The following SV2C variants were observed in gnomAD, a reference collection of about 807,000 sequenced individuals.
SV2C encodes the protein synaptic vesicle glycoprotein 2C.
SV2C carries 49 observed loss-of-function variants against 79.7 expected under a neutral mutation model. The ratio of observed to expected loss-of-function variants is 0.61; its 90% CI spans 0.49 to 0.78. The LOEUF (loss-of-function observed/expected upper bound fraction) is 0.78, where lower values mean the gene tolerates loss of function less well. Among genes scored for constraint, SV2C ranks in the 30% least tolerant of loss-of-function variants. SV2C has a pLI of 0.00. For missense variants in SV2C, 833 were observed against 912.9 expected (o/e 0.91, Z 1.13); for synonymous variants, 334 against 333.2 (o/e 1.00, Z -0.03).
intron 4 of SV2C, among the ~76,000 whole-genome samples, chr5:76,243,012 T>TAAAAAAAAAAAAAAAAAAAAAAAAAAAAA (rs559052290): frequency 4.4e-4 from 22 of 49,926 alleles, no homozygotes; most frequent in Non-Finnish European, 5.7e-4. Flanking sequence ...AGACCCCATC[T>TAAAAAAAAAAAAAAAAAAAAAAAAAAAAA]AAAAAAAAAA....
chr5:75,913,334 C>T, the SV2C span, among the ~76,000 whole-genome samples: 2 of 152,268 alleles, frequency 1.3e-5, no homozygotes, highest in East Asian at 1.9e-4. Flanking sequence ...CTGTATCATG[C>T]TTCTGAATAT....
At chr5:76,337,591 T>G (rs1267380405), downstream of SV2C, among the ~76,000 whole-genome samples, 1 of 152,202 alleles carries the variant, frequency 6.6e-6, no homozygotes, top group African/African-American at 2.4e-5. Flanking sequence ...GAATGGAATG[T>G]GCCTATGGTC....
At chr5:76,288,438 G>A (rs1747425131) in intron 6 of SV2C, among the ~76,000 whole-genome samples, 1 of 152,096 alleles carries the variant, frequency 6.6e-6, no homozygotes, top group South Asian at 2.1e-4. Context: ...AAGCTTTTGA[G>A]GACTCTCTTC....
intron 4 of SV2C, among the ~76,000 whole-genome samples, chr5:76,212,391 C>A (rs774679920): frequency 6.6e-6 from 1 of 152,132 alleles, no homozygotes; most frequent in Non-Finnish European, 1.5e-5. Flanking sequence ...TCATCTCTGC[C>A]AACTACTCAC....
At chr5:76,026,688 GTGGGGTGAATAAAAAGAGAT>G in the SV2C span, among the ~76,000 whole-genome samples, 1 of 152,224 alleles carries the variant, frequency 6.6e-6, no homozygotes, top group African/African-American at 2.4e-5. Context: ...AAGAGTCGGA[GTGGGGTGAATAAAAAGAGAT>G]AGTGAGCCTA....
chr5:75,959,901 A>T, the SV2C span, among the ~76,000 whole-genome samples: 1 of 151,986 alleles, frequency 6.6e-6, no homozygotes, highest in Non-Finnish European at 1.5e-5. Flanking sequence ...AAAGACCTAG[A>T]GCACCATTAC....
chr5:76,260,859 T>TACC (rs1746440194), intron 4 of SV2C, among the ~76,000 whole-genome samples: 1 of 152,216 alleles, frequency 6.6e-6, no homozygotes, highest in Non-Finnish European at 1.5e-5. Context: ...TGTAGTATAG[T>TACC]TTGAAGTCAG....
At chr5:75,893,650 A>G in the SV2C span, among the ~76,000 whole-genome samples, 2 of 152,132 alleles carry the variant, frequency 1.3e-5, no homozygotes, top group Non-Finnish European at 2.9e-5. Flanking sequence ...TACTATGCTT[A>G]CCATCTGGGT....
At chr5:76,117,436 T>C (rs1242409910) in intron 1 of SV2C, among the ~76,000 whole-genome samples, 3 of 152,172 alleles carry the variant, frequency 2.0e-5, no homozygotes, top group Non-Finnish European at 4.4e-5. Flanking sequence ...AGCAAAATCC[T>C]AATGAAATTT....
chr5:76,273,171 A>T (rs1213535419), intron 4 of SV2C, among the ~76,000 whole-genome samples: 1 of 105,004 alleles, frequency 9.5e-6, no homozygotes, highest in Non-Finnish European at 1.9e-5. Context: ...ATATATATAT[A>T]CACACATATA....
the SV2C span, among the ~76,000 whole-genome samples, chr5:75,872,395 C>G: frequency 1.3e-5 from 2 of 151,894 alleles, no homozygotes; most frequent in East Asian, 3.9e-4. Flanking sequence ...TTACACCAGG[C>G]AAAATGATTC....
chr5:76,196,351 GA>G (rs556155932), intron 3 of SV2C, among the ~76,000 whole-genome samples: 28 of 151,374 alleles, frequency 1.8e-4, no homozygotes, highest in Middle Eastern at 3.4e-3. Context: ...TGTTCTTGGG[GA>G]AAAAAAAATG....
intron 1 of SV2C, among the ~76,000 whole-genome samples, chr5:76,115,588 C>G (rs1189224784): frequency 6.6e-6 from 1 of 152,158 alleles, no homozygotes; most frequent in East Asian, 1.9e-4. Flanking sequence ...TTCAAAGATG[C>G]CATGCTCATT....
At chr5:76,054,507 C>T in the SV2C span, among the ~76,000 whole-genome samples, 2 of 152,056 alleles carry the variant, frequency 1.3e-5, no homozygotes, top group Non-Finnish European at 2.9e-5. Context: ...GGGTATATAC[C>T]CAGTAATGGG....
intron 12 of SV2C, among the ~76,000 whole-genome samples, chr5:76,347,570 G>A (rs1749567669): frequency 6.6e-6 from 1 of 151,966 alleles, no homozygotes; most frequent in Admixed American, 6.6e-5. Context: ...TCAGCCTCCC[G>A]AGCTGGGACT....
intron 4 of SV2C, among the ~76,000 whole-genome samples, chr5:76,280,223 TAGAGAG>T (rs141022315): frequency 3.3e-5 from 5 of 151,414 alleles, no homozygotes; most frequent in Non-Finnish European, 7.4e-5. Context: ...ACACACCCTT[TAGAGAG>T]AGAGAGACAC....
chr5:75,957,301 CTTTG>C, the SV2C span, among the ~76,000 whole-genome samples: 1 of 151,924 alleles, frequency 6.6e-6, no homozygotes, highest in Non-Finnish European at 1.5e-5. Flanking sequence ...CCCAGTGTAT[CTTTG>C]TTTAATTCAT....
At chr5:75,956,180 A>G in the SV2C span, among the ~76,000 whole-genome samples, 14 of 144,056 alleles carry the variant, frequency 9.7e-5, no homozygotes, top group South Asian at 2.7e-3. Flanking sequence ...GATTAAGAAA[A>G]TGTGGCACAT....
At chr5:76,122,358 T>C (rs1748539165) in intron 1 of SV2C, among the ~76,000 whole-genome samples, 1 of 151,434 alleles carries the variant, frequency 6.6e-6, no homozygotes, top group Admixed American at 6.6e-5. Context: ...TGAATACCCT[T>C]TATTTCCTTC....
Sources: allele counts gnomAD v4.1 joint callset (sites outside exome capture counted in the v4.1 genomes callset), GRCh38; gene constraint gnomAD v4.1.1; transcripts MANE v1.5; gene names NCBI Gene and HGNC (gene_info 2026-07-23, HGNC 2026-07-21).